TENM3: variants seen among roughly 807,000 people sequenced by gnomAD.
TENM3 encodes teneurin-3.
In TENM3, 63 loss-of-function variants were observed where a neutral mutation model predicts 255.1. The observed-to-expected ratio is 0.25, with a 90% CI of 0.20 to 0.30. TENM3 has a LOEUF of 0.30. TENM3 is among the 10% of genes least tolerant of loss of function. The probability of loss-of-function intolerance (pLI) is 1.00; values close to 1 mark genes in which losing one functional copy is unlikely to be tolerated. For synonymous variants in TENM3, 1,306 were observed against 1,322.3 expected, an observed-to-expected ratio of 0.99 and a Z score of 0.27; for missense variants, 2,929 against 3,461.1, an observed-to-expected ratio of 0.85 and a Z score of 3.86.
the TENM3 span, among the ~76,000 whole-genome samples, chr4:181,703,247 C>A: frequency 6.6e-6 from 1 of 152,170 alleles, no homozygotes. Flanking sequence ...ATGTGGGAGT[C>A]GTACATTGCA....
At chr4:181,759,088 G>C in the TENM3 span, among the ~76,000 whole-genome samples, 1 of 152,112 alleles carries the variant, frequency 6.6e-6, no homozygotes, top group Non-Finnish European at 1.5e-5. Context: ...GCTTATAACA[G>C]TTGCCTCACA....
the TENM3 span, among the ~76,000 whole-genome samples, chr4:181,886,832 G>A: frequency 2.0e-5 from 3 of 152,034 alleles, no homozygotes; most frequent in African/African-American, 7.2e-5. Context: ...TTTCAATTCA[G>A]TTTAATTCAG....
At chr4:181,593,056 G>C in the TENM3 span, among the ~76,000 whole-genome samples, 1 of 152,144 alleles carries the variant, frequency 6.6e-6, no homozygotes, top group Non-Finnish European at 1.5e-5. Flanking sequence ...TGTAGGTACA[G>C]GTTTTCTTCA....
intron 1 of TENM3, among the ~76,000 whole-genome samples, chr4:182,229,365 C>T (rs1036892222): frequency 6.6e-6 from 1 of 152,128 alleles, no homozygotes; most frequent in Non-Finnish European, 1.5e-5. Flanking sequence ...AATAATTGCT[C>T]ATCTATAAGC....
the TENM3 span, among the ~76,000 whole-genome samples, chr4:182,025,347 G>T: frequency 2.2e-4 from 34 of 152,186 alleles, no homozygotes; most frequent in African/African-American, 8.2e-4. Context: ...TTCTTTTTAT[G>T]GTTGAATAGT....
chr4:181,500,166 T>C, the TENM3 span, among the ~76,000 whole-genome samples: 2 of 151,874 alleles, frequency 1.3e-5, no homozygotes, highest in African/African-American at 4.8e-5. Flanking sequence ...GTAGCTGGGA[T>C]TACAGGCATG....
chr4:182,779,815 A>T (rs1044352898), intron 24 of TENM3, among the ~76,000 whole-genome samples: 5 of 152,170 alleles, frequency 3.3e-5, no homozygotes, highest in Non-Finnish European at 2.9e-5. Flanking sequence ...TCCAGTGATG[A>T]TGAGCATTTT....
the TENM3 span, among the ~76,000 whole-genome samples, chr4:181,855,210 T>C: frequency 6.6e-6 from 1 of 152,236 alleles, no homozygotes; most frequent in African/African-American, 2.4e-5. Flanking sequence ...TATTAGACAC[T>C]GTAAGCTTTC....
At chr4:182,531,752 C>T (rs745764492) in intron 3 of TENM3, among the ~76,000 whole-genome samples, 2 of 152,110 alleles carry the variant, frequency 1.3e-5, no homozygotes, top group Non-Finnish European at 2.9e-5. Flanking sequence ...TAAGAGACTC[C>T]GTGGGCAGGT....
At chr4:181,641,628 G>GTATA in the TENM3 span, among the ~76,000 whole-genome samples, 201 of 48,178 alleles carry the variant, frequency 4.2e-3, 14 homozygotes, top group East Asian at 0.076. Flanking sequence ...TATGGTGTGT[G>GTATA]TATATATATA....
chr4:181,801,088 C>T, the TENM3 span, among the ~76,000 whole-genome samples: 5 of 152,084 alleles, frequency 3.3e-5, no homozygotes, highest in Non-Finnish European at 4.4e-5. Flanking sequence ...TTCAAACAGC[C>T]CTCCTTTGGA....
At chr4:182,176,909 AG>A (rs1177683661) in intron 1 of TENM3, among the ~76,000 whole-genome samples, 1 of 144,878 alleles carries the variant, frequency 6.9e-6, no homozygotes, top group African/African-American at 2.6e-5. Context: ...TCCTGACCTC[AG>A]GTGATCTGCC....
At chr4:182,766,384 A>T (rs1174283441) in intron 22 of TENM3, among the ~76,000 whole-genome samples, 1 of 152,180 alleles carries the variant, frequency 6.6e-6, no homozygotes, top group Non-Finnish European at 1.5e-5. Flanking sequence ...AAAAAAGAAA[A>T]AAAAAAGACA....
the TENM3 span, among the ~76,000 whole-genome samples, chr4:181,811,746 G>A: frequency 6.6e-6 from 1 of 152,094 alleles, no homozygotes; most frequent in Non-Finnish European, 1.5e-5. Context: ...CAAACAGAAT[G>A]GGGGAAATCA....
chr4:182,016,064 C>T, the TENM3 span, among the ~76,000 whole-genome samples: 9 of 152,206 alleles, frequency 5.9e-5, no homozygotes, highest in African/African-American at 2.2e-4. Context: ...AATGCCTGAG[C>T]GGTTAAAGAT....
the TENM3 span, among the ~76,000 whole-genome samples, chr4:181,981,089 C>T: frequency 6.6e-6 from 1 of 152,184 alleles, no homozygotes; most frequent in East Asian, 1.9e-4. Flanking sequence ...TCTCCTCCTC[C>T]TGTGGTTCCC....
the TENM3 span, among the ~76,000 whole-genome samples, chr4:182,130,891 A>C: frequency 6.6e-6 from 1 of 152,174 alleles, no homozygotes; most frequent in African/African-American, 2.4e-5. Context: ...TAAAGTTTAA[A>C]TTCTATCTCA....
intron 27 of TENM3, among the ~76,000 whole-genome samples, chr4:182,798,066 G>C (rs1187867924): frequency 6.6e-6 from 1 of 152,094 alleles, no homozygotes; most frequent in Non-Finnish European, 1.5e-5. Flanking sequence ...GGGTCTCACT[G>C]TGTCACCCAG....
At chr4:182,580,413 G>A (rs936350531) in intron 3 of TENM3, among the ~76,000 whole-genome samples, 4 of 151,802 alleles carry the variant, frequency 2.6e-5, no homozygotes, top group South Asian at 2.1e-4. Context: ...CCTCTTCATC[G>A]CTCTATTTTT....
Sources: allele counts gnomAD v4.1 joint callset (sites outside exome capture counted in the v4.1 genomes callset), GRCh38; gene constraint gnomAD v4.1.1; transcripts MANE v1.5; gene names NCBI Gene and HGNC (gene_info 2026-07-23, HGNC 2026-07-21).